SLC24A2: variants seen among roughly 807,000 people sequenced by gnomAD.
SLC24A2 encodes solute carrier family 24 member 2, also known as sodium/potassium/calcium exchanger 2.
Under a neutral mutation model 62.0 loss-of-function variants are expected in SLC24A2, and 36 were observed. The ratio of observed to expected loss-of-function variants is 0.58; its 90% CI spans 0.44 to 0.77. The LOEUF (loss-of-function observed/expected upper bound fraction) is 0.77, where lower values mean the gene tolerates loss of function less well. Ranked by LOEUF, SLC24A2 falls within the 30% of genes least tolerant of loss-of-function variation. The pLI is 0.00. For missense variants in SLC24A2, 846 were observed against 817.9 expected (o/e 1.03, Z -0.42); for synonymous variants, 358 against 294.0 (o/e 1.22, Z -2.23).
chr9:19,933,464 TTCCA>T, the SLC24A2 span, among the ~76,000 whole-genome samples: 8 of 151,628 alleles, frequency 5.3e-5, no homozygotes, highest in Non-Finnish European at 8.8e-5. Flanking sequence ...TGATTCTTAG[TTCCA>T]TTCATTCATT....
chr9:19,605,502 G>A (rs1335977300), intron 4 of SLC24A2, among the ~76,000 whole-genome samples: 3 of 152,322 alleles, frequency 2.0e-5, no homozygotes, highest in East Asian at 1.9e-4. Context: ...TTTGCTCAAT[G>A]AGAAGCTGAT....
At chr9:20,216,015 T>C in the SLC24A2 span, among the ~76,000 whole-genome samples, 1 of 152,220 alleles carries the variant, frequency 6.6e-6, no homozygotes, top group African/African-American at 2.4e-5. Flanking sequence ...CTGGGTCTCC[T>C]TCTGTTACTT....
the SLC24A2 span, among the ~76,000 whole-genome samples, chr9:20,170,319 G>C: frequency 2.0e-5 from 3 of 151,942 alleles, no homozygotes; most frequent in African/African-American, 7.2e-5. Context: ...CTGCAGAAGG[G>C]TAGCACTCCC....
the SLC24A2 span, among the ~76,000 whole-genome samples, chr9:19,850,022 CT>C: frequency 0.031 from 4,467 of 144,548 alleles, 213 homozygotes; most frequent in African/African-American, 0.1. Flanking sequence ...ATAAAAACTG[CT>C]TTTTTTTTTT....
the SLC24A2 span, among the ~76,000 whole-genome samples, chr9:20,197,970 T>C: frequency 6.6e-6 from 1 of 152,222 alleles, no homozygotes; most frequent in African/African-American, 2.4e-5. Context: ...ACGAGAGGGC[T>C]ATCTCCCAAG....
At chr9:19,872,413 A>T in the SLC24A2 span, among the ~76,000 whole-genome samples, 1 of 152,192 alleles carries the variant, frequency 6.6e-6, no homozygotes, top group Non-Finnish European at 1.5e-5. Context: ...GCACACAGAT[A>T]CACATTTCTA....
chr9:20,108,523 C>A, the SLC24A2 span, among the ~76,000 whole-genome samples: 16,923 of 152,096 alleles, frequency 0.11, 1,000 homozygotes, highest in Middle Eastern at 0.17. Context: ...CAGCCATCAA[C>A]AATGATGAGT....
intron 8 of SLC24A2, among the ~76,000 whole-genome samples, chr9:19,546,521 G>A (rs949048081): frequency 6.6e-6 from 1 of 152,128 alleles, no homozygotes; most frequent in African/African-American, 2.4e-5. Flanking sequence ...CTCAGCACTG[G>A]TTGACACCCC....
the SLC24A2 span, among the ~76,000 whole-genome samples, chr9:20,057,198 T>C: frequency 7.2e-5 from 11 of 152,376 alleles, no homozygotes; most frequent in South Asian, 2.1e-3. Context: ...GAACTACTCA[T>C]GCTATCCCTA....
the SLC24A2 span, among the ~76,000 whole-genome samples, chr9:19,810,000 C>T: frequency 2.6e-5 from 4 of 152,160 alleles, no homozygotes; most frequent in African/African-American, 4.8e-5. Flanking sequence ...GCAGCCACTT[C>T]ACAATGAAGA....
chr9:19,929,388 T>C, the SLC24A2 span: 1 of 152,208 alleles, frequency 6.6e-6, no homozygotes, highest in Non-Finnish European at 1.5e-5. Context: ...ACAATGATTT[T>C]TTAAAATGTA....
At chr9:20,200,418 G>A in the SLC24A2 span, among the ~76,000 whole-genome samples, 1 of 152,212 alleles carries the variant, frequency 6.6e-6, no homozygotes, top group Non-Finnish European at 1.5e-5. Context: ...AGCCAGTAAA[G>A]CAGCATATGG....
At chr9:19,962,858 C>G in the SLC24A2 span, among the ~76,000 whole-genome samples, 1 of 152,166 alleles carries the variant, frequency 6.6e-6, no homozygotes, top group African/African-American at 2.4e-5. Flanking sequence ...ATTTCCTTCT[C>G]CTGCCTAACT....
chr9:19,628,956 A>G (rs1310980971), intron 2 of SLC24A2, among the ~76,000 whole-genome samples: 2 of 152,206 alleles, frequency 1.3e-5, no homozygotes, highest in Non-Finnish European at 2.9e-5. Context: ...GATTTTTTAA[A>G]AAGGTCTAAC....
the SLC24A2 span, among the ~76,000 whole-genome samples, chr9:19,907,478 G>A: frequency 2.6e-5 from 4 of 152,300 alleles, no homozygotes; most frequent in South Asian, 4.1e-4. Context: ...TCTAGCCAGG[G>A]CAATCAGGCA....
the SLC24A2 span, among the ~76,000 whole-genome samples, chr9:20,121,699 T>C: frequency 1.3e-5 from 2 of 152,140 alleles, no homozygotes; most frequent in African/African-American, 4.8e-5. Context: ...TAGAAAGACA[T>C]GCAGTGTTTT....
At chr9:19,900,998 C>T in the SLC24A2 span, among the ~76,000 whole-genome samples, 5 of 152,222 alleles carry the variant, frequency 3.3e-5, no homozygotes, top group African/African-American at 1.2e-4. Flanking sequence ...CTTGTGGTCA[C>T]AATCCAATGC....
the SLC24A2 span, among the ~76,000 whole-genome samples, chr9:20,234,429 T>C: frequency 0.045 from 6,831 of 152,256 alleles, 465 homozygotes; most frequent in African/African-American, 0.15. Flanking sequence ...TTTGTTTCTT[T>C]TTATTCTTTT....
chr9:20,084,171 A>C, the SLC24A2 span, among the ~76,000 whole-genome samples: 1,234 of 152,358 alleles, frequency 8.1e-3, 26 homozygotes, highest in African/African-American at 0.028. Flanking sequence ...AGTGTTGCCA[A>C]GTTAAACTGG....
Sources: allele counts gnomAD v4.1 joint callset (sites outside exome capture counted in the v4.1 genomes callset), GRCh38; gene constraint gnomAD v4.1.1; transcripts MANE v1.5; gene names NCBI Gene and HGNC (gene_info 2026-07-23, HGNC 2026-07-21).